Variants in DEPDC4 observed in about 807,000 individuals in gnomAD.
DEPDC4 encodes the protein DEP domain-containing protein 4.
A neutral mutation model predicts 52.0 loss-of-function variants in DEPDC4; 52 were observed. The ratio of observed to expected loss-of-function variants is 1.00; its 90% CI spans 0.80 to 1.26. The LOEUF is 1.26. Among genes scored for constraint, DEPDC4 ranks in the 50% most tolerant of loss-of-function variants. The pLI is 0.00. For missense variants in DEPDC4, 530 were observed against 546.9 expected, an observed-to-expected ratio of 0.97 and a Z score of 0.31; for synonymous variants, 201 against 196.8, an observed-to-expected ratio of 1.02 and a Z score of -0.18.
chr12:100,267,173 T>G, upstream of DEPDC4: 2 of 1,331,498 alleles, frequency 1.5e-6, no homozygotes, highest in Non-Finnish European at 1.0e-6. Context: ...CCGGCAGGTC[T>G]TTTAGTCTTT....
At chr12:100,252,359 A>C in intron 6 of DEPDC4, 35 bp downstream of exon 6, 2 of 1,523,890 alleles carry the variant, frequency 1.3e-6, no homozygotes, top group East Asian at 2.5e-5. Context: ...AAAATAGCAA[A>C]AAAAAATGGC....
rs2096155188 is a variant in DEPDC4 at position 100,240,729 on chromosome 12, T to C, written c.*1163A>G. ...GAGAGAGAAATCACAGTTTTGATGT[T>C]TACGAATTTTTAATTTGTGGCCTTT... On this transcript the variant is annotated 3_prime_UTR_variant, in exon 10 of 10. Coordinates refer to ENST00000550587, the MANE Select transcript of DEPDC4 (RefSeq NM_001364818.2). Among the ~76,000 whole-genome samples the C allele has an allele frequency of 6.6e-6, 1 of 152,146 alleles. No homozygotes were observed. The highest frequency in any genetic ancestry group is 1.5e-5 in the Non-Finnish European group (1 of 68,020).
At chr12:100,236,135 T>C (rs1044659321), downstream of DEPDC4, among the ~76,000 whole-genome samples, 3 of 152,232 alleles carry the variant, frequency 2.0e-5, no homozygotes, top group African/African-American at 7.2e-5. Context: ...CAATTGTGAA[T>C]TGTGGTGCTA....
chr12:100,237,212 T>C (rs1260690170), downstream of DEPDC4, among the ~76,000 whole-genome samples: 2 of 151,172 alleles, frequency 1.3e-5, no homozygotes, highest in East Asian at 1.9e-4. Flanking sequence ...TTTTTCTTTT[T>C]TTTTTTTTTT....
intron 3 of DEPDC4, among the ~76,000 whole-genome samples, chr12:100,260,897 A>T (rs551111169): frequency 6.6e-6 from 1 of 151,198 alleles, no homozygotes; most frequent in Non-Finnish European, 1.5e-5. Context: ...CTGTGTCTCA[A>T]TGGCCAGCCA....
At chr12:100,254,097 T>A (rs1241770826) in intron 4 of DEPDC4, among the ~76,000 whole-genome samples, 1 of 152,048 alleles carries the variant, frequency 6.6e-6, no homozygotes, top group Non-Finnish European at 1.5e-5. Flanking sequence ...CCAACCCAGA[T>A]GAACTGTTTA....
chr12:100,232,077 G>C (rs2096135535), intron 9 of DEPDC4, among the ~76,000 whole-genome samples: 1 of 152,126 alleles, frequency 6.6e-6, no homozygotes, highest in African/African-American at 2.4e-5. Context: ...ATAGAAACTT[G>C]AGTCAGTGAA....
chr12:100,243,878 G>A (rs983022521), intron 8 of DEPDC4, among the ~76,000 whole-genome samples: 11 of 151,450 alleles, frequency 7.3e-5, no homozygotes, highest in South Asian at 2.1e-4. Flanking sequence ...TCCAGTGGCC[G>A]TTCTGATCTT....
At chr12:100,252,141 G>C (rs2096210690) in intron 7 of DEPDC4, 35 bp downstream of exon 7, 1 of 1,137,900 alleles carries the variant, frequency 8.8e-7, no homozygotes. Context: ...AAGTAGCTTA[G>C]TAATAAATGT....
upstream of DEPDC4, among the ~76,000 whole-genome samples, chr12:100,270,349 C>T (rs78880229): frequency 7.7e-3 from 1,175 of 152,248 alleles, 15 homozygotes; most frequent in African/African-American, 0.026. Flanking sequence ...ATCATTTAAT[C>T]TAATTTCCTA....
upstream of DEPDC4, chr12:100,267,176 T>C (rs1592916872): frequency 3.0e-6 from 4 of 1,342,372 alleles, no homozygotes; most frequent in East Asian, 2.3e-5. Context: ...GCAGGTCTTT[T>C]AGTCTTTTTC....
chr12:100,271,788 G>C (rs1195561739), upstream of DEPDC4, among the ~76,000 whole-genome samples: 1 of 152,196 alleles, frequency 6.6e-6, no homozygotes, highest in Non-Finnish European at 1.5e-5. Flanking sequence ...GTAAGCTTGG[G>C]AAGCTGGGGA....
chr12:100,244,087 C>CTGTATATATATATATA (rs1232632811), intron 8 of DEPDC4, among the ~76,000 whole-genome samples: 1 of 29,432 alleles, frequency 3.4e-5, no homozygotes, highest in African/African-American at 1.3e-4. Context: ...CTCTCTCTCT[C>CTGTATATATATATATA]TCTCTGTGTA....
chr12:100,241,972 G>A, intron 9 of DEPDC4, 127 bp from the exon 10 acceptor site: 1 of 429,594 alleles, frequency 2.3e-6, no homozygotes. Flanking sequence ...GGCTTTCTTT[G>A]TTCCACAGTT....
chr12:100,249,271 CATTT>C (rs1240374365), intron 7 of DEPDC4, among the ~76,000 whole-genome samples: 4 of 152,094 alleles, frequency 2.6e-5, no homozygotes, highest in African/African-American at 9.7e-5. Context: ...TAATTTACAG[CATTT>C]ATTTAAATAA....
At chr12:100,249,986 C>T (rs1214138887) in intron 7 of DEPDC4, among the ~76,000 whole-genome samples, 1 of 152,040 alleles carries the variant, frequency 6.6e-6, no homozygotes, top group Non-Finnish European at 1.5e-5. Flanking sequence ...AAGCAGTGGC[C>T]AAAGGTAGAC....
At chr12:100,263,400 G>C in intron 2 of DEPDC4, 97 bp downstream of exon 2, 1 of 1,018,480 alleles carries the variant, frequency 9.8e-7, no homozygotes, top group Non-Finnish European at 1.4e-6. Context: ...TTTTTTAATT[G>C]GCTTCTGAAA....
intron 1 of DEPDC4, among the ~76,000 whole-genome samples, 183 bp downstream of exon 1, chr12:100,266,722 AAGGGCACTTCACCAC>A (rs2096275202): frequency 6.6e-6 from 1 of 152,216 alleles, no homozygotes; most frequent in Non-Finnish European, 1.5e-5. Flanking sequence ...TGCACGCTCC[AAGGGCACTTCACCAC>A]AGTAACCCCT....
intron 9 of DEPDC4, among the ~76,000 whole-genome samples, 162 bp downstream of exon 9, chr12:100,242,324 C>CTTTT (rs746693169): frequency 1.4e-4 from 13 of 96,018 alleles, no homozygotes; most frequent in Admixed American, 2.2e-4. Flanking sequence ...ACTATGAGGG[C>CTTTT]TTTTTTTTTT....
Sources: allele counts gnomAD v4.1 joint callset (sites outside exome capture counted in the v4.1 genomes callset), GRCh38; gene constraint gnomAD v4.1.1; transcripts MANE v1.5; gene names NCBI Gene and HGNC (gene_info 2026-07-23, HGNC 2026-07-21).